EYS: variants seen among roughly 807,000 people sequenced by gnomAD.
EYS encodes the protein EGF-like photoreceptor maintenance factor.
EYS carries 250 observed loss-of-function variants against 282.1 expected under a neutral mutation model. The ratio of observed to expected loss-of-function variants is 0.89; its 90% CI spans 0.80 to 0.98. The LOEUF is 0.98. Among genes scored for constraint, EYS ranks in the 50% least tolerant of loss-of-function variants. EYS has a pLI of 0.00. For synonymous variants in EYS, 1,355 were observed against 1,282.9 expected, an observed-to-expected ratio of 1.06 and a Z score of -1.20; for missense variants, 4,016 against 3,709.0, an observed-to-expected ratio of 1.08 and a Z score of -2.15.
chr6:64,613,501 A>G (rs1767174414), intron 24 of EYS, among the ~76,000 whole-genome samples: 1 of 152,166 alleles, frequency 6.6e-6, no homozygotes. Flanking sequence ...AACTCTTCTT[A>G]GATTTTTAAG....
chr6:64,411,001 A>C (rs1186574097), intron 28 of EYS, among the ~76,000 whole-genome samples: 1 of 152,138 alleles, frequency 6.6e-6, no homozygotes, highest in Non-Finnish European at 1.5e-5. Flanking sequence ...ATCAGCTTTT[A>C]AGAAAATGTG....
chr6:64,264,273 G>A (rs1185446237), intron 30 of EYS, among the ~76,000 whole-genome samples: 1 of 152,080 alleles, frequency 6.6e-6, no homozygotes, highest in African/African-American at 2.4e-5. Context: ...AATTCGGCAG[G>A]TTGCTAATCT....
At chr6:65,021,335 G>A (rs940019791) in intron 13 of EYS, among the ~76,000 whole-genome samples, 1 of 152,084 alleles carries the variant, frequency 6.6e-6, no homozygotes, top group African/African-American at 2.4e-5. Flanking sequence ...TCAAGGACAG[G>A]GGCAAAATAC....
At chr6:65,698,480 A>G (rs551091530) in intron 1 of EYS, among the ~76,000 whole-genome samples, 13 of 152,162 alleles carry the variant, frequency 8.5e-5, no homozygotes, top group Non-Finnish European at 1.6e-4. Context: ...TCAAAAAGAG[A>G]TAAGAGCTGA....
intron 5 of EYS, among the ~76,000 whole-genome samples, chr6:65,444,768 C>T (rs183898061): frequency 2.0e-5 from 3 of 152,122 alleles, no homozygotes; most frequent in Non-Finnish European, 2.9e-5. Context: ...TAGAGCCTAA[C>T]AGGTCATCTT....
At chr6:64,793,421 C>T (rs16895780) in intron 22 of EYS, among the ~76,000 whole-genome samples, 10,592 of 152,016 alleles carry the variant, frequency 0.07, 505 homozygotes, top group East Asian at 0.22. Flanking sequence ...GCCCTAATGT[C>T]GAGGATCTTA....
chr6:64,571,797 G>A (rs528656031), intron 26 of EYS, among the ~76,000 whole-genome samples: 4 of 151,986 alleles, frequency 2.6e-5, no homozygotes, highest in African/African-American at 9.6e-5. Context: ...AGCCTACAAC[G>A]AAAAAATGCC....
In EYS at chr6:63,725,364, T is replaced by C. The variant is rs533905743; in HGVS notation, c.8233+1155A>G. ...CGTTGTACTGATTATAAAACTGTAG[T>C]ACAATATTCCCAGCCAGTCACAATC... On this transcript the variant is annotated intron_variant, in intron 42 of 42. Coordinates refer to ENST00000503581, the MANE Select transcript of EYS (RefSeq NM_001142800.2). 1.3e-4 allele frequency among the ~76,000 whole-genome samples: 20 copies of C among 152,286 alleles called. 2 individuals carry two copies. The South Asian group carries it at 3.7e-3, about 28-fold the overall frequency.
chr6:65,577,647 A>C (rs1410782777), intron 2 of EYS, among the ~76,000 whole-genome samples: 1 of 151,956 alleles, frequency 6.6e-6, no homozygotes, highest in East Asian at 1.9e-4. Flanking sequence ...CAGTCTACCA[A>C]ATTGTAGAAT....
At chr6:65,105,123 C>T (rs758566440) in intron 12 of EYS, among the ~76,000 whole-genome samples, 5 of 151,408 alleles carry the variant, frequency 3.3e-5, no homozygotes, top group Non-Finnish European at 7.4e-5. Context: ...TTGAAAAAAA[C>T]TTTTGAATAA....
At chr6:65,441,231 T>C (rs757393166) in intron 5 of EYS, among the ~76,000 whole-genome samples, 3 of 151,698 alleles carry the variant, frequency 2.0e-5, no homozygotes, top group African/African-American at 4.8e-5. Flanking sequence ...TGAAATTCAC[T>C]CATTGCACAT....
At chr6:65,026,916 CAA>C (rs1260312589) in intron 13 of EYS, among the ~76,000 whole-genome samples, 7 of 107,784 alleles carry the variant, frequency 6.5e-5, no homozygotes, top group African/African-American at 6.5e-5. Flanking sequence ...GACTCCGTCT[CAA>C]AAAAAAAAAA....
At chr6:64,110,722 G>T (rs969380791) in intron 31 of EYS, among the ~76,000 whole-genome samples, 14 of 152,024 alleles carry the variant, frequency 9.2e-5, no homozygotes, top group African/African-American at 3.1e-4. Context: ...AGAAGAAAAT[G>T]AGGTTTGATA....
intron 7 of EYS, among the ~76,000 whole-genome samples, chr6:65,398,628 A>T (rs1766378670): frequency 6.6e-6 from 1 of 152,086 alleles, no homozygotes; most frequent in South Asian, 2.1e-4. Context: ...ATTGAATATA[A>T]TTAAACTAAA....
At chr6:64,939,688 A>G (rs1219040602) in intron 15 of EYS, among the ~76,000 whole-genome samples, 1 of 145,808 alleles carries the variant, frequency 6.9e-6, no homozygotes, top group Non-Finnish European at 1.5e-5. Context: ...ACACACACAT[A>G]CACACGTGTA....
chr6:65,451,781 T>G (rs9354247), intron 5 of EYS, among the ~76,000 whole-genome samples: 28,083 of 151,892 alleles, frequency 0.18, 3,243 homozygotes, highest in Middle Eastern at 0.3. Flanking sequence ...TGATCTATAC[T>G]TTTTATTTCT....
intron 2 of EYS, among the ~76,000 whole-genome samples, chr6:65,611,893 G>T (rs934590710): frequency 6.6e-6 from 1 of 151,942 alleles, no homozygotes; most frequent in African/African-American, 2.4e-5. Flanking sequence ...TGCTCAAAAG[G>T]TATATCAACA....
intron 36 of EYS, among the ~76,000 whole-genome samples, chr6:63,860,221 T>G (rs984077061): frequency 6.6e-6 from 1 of 152,222 alleles, no homozygotes; most frequent in Non-Finnish European, 1.5e-5. Context: ...AAAGTATTGA[T>G]GCCTGTTGAT....
At chr6:65,380,574 GACTAAAAC>G (rs1316760444) in intron 8 of EYS, among the ~76,000 whole-genome samples, 1 of 152,102 alleles carries the variant, frequency 6.6e-6, no homozygotes, top group Admixed American at 6.6e-5. Context: ...AGTACTTCAT[GACTAAAAC>G]ACCAAAAGCA....
Sources: gnomAD v4.1 joint callset for allele counts (sites outside exome capture counted in the v4.1 genomes callset) on GRCh38, gnomAD v4.1.1 for gene constraint, MANE v1.5 for transcripts, NCBI Gene and HGNC (gene_info 2026-07-23, HGNC 2026-07-21) for gene names.